TBC1D31: variants seen among roughly 807,000 people sequenced by gnomAD.
TBC1D31 encodes the protein WD repeat domain 67.
TBC1D31 carries 99 observed loss-of-function variants against 132.9 expected under a neutral mutation model. The ratio of observed to expected loss-of-function variants is 0.74; its 90% CI spans 0.63 to 0.88. TBC1D31 has a LOEUF of 0.88. Among genes scored for constraint, TBC1D31 ranks in the 40% least tolerant of loss-of-function variants. The pLI, the probability that TBC1D31 is intolerant of heterozygous loss-of-function variation, is 0.00. For synonymous variants in TBC1D31, 385 were observed against 419.4 expected, an observed-to-expected ratio of 0.92 and a Z score of 1.00; for missense variants, 1,134 against 1,256.6, an observed-to-expected ratio of 0.90 and a Z score of 1.48.
Position 123,093,588 on chromosome 8 carries a change from T to C in TBC1D31, c.520-3T>C. 6.3e-7 allele frequency: 1 copy of C among 1,596,092 alleles called. No individual in the cohort carries two copies. Among genetic ancestry groups the C allele is most frequent in the Non-Finnish European group, 8.6e-7 (1 of 1,168,392 alleles). Reference sequence around the variant, plus strand: ...AAAACTAACTTTCTCTATTCCTCCTTAGGTTTTCTTTCTACCATTAAGTAA... The same window carrying C: ...AAAACTAACTTTCTCTATTCCTCCTCAGGTTTTCTTTCTACCATTAAGTAA... On this transcript the variant is annotated splice_polypyrimidine_tract_variant and splice_region_variant and intron_variant, in intron 4 of 21. Transcript: ENST00000287380.
At chr8:123,101,600 A>T (rs183726700) in intron 7 of TBC1D31, among the ~76,000 whole-genome samples, 256 of 152,186 alleles carry the variant, frequency 1.7e-3, no homozygotes, top group Non-Finnish European at 3.0e-3. Flanking sequence ...TTTTTAGTAA[A>T]GATGGGGTTT....
intron 13 of TBC1D31, 115 bp from the exon 14 acceptor site, chr8:123,128,166 C>CA (rs1420912437): frequency 1.8e-5 from 9 of 503,932 alleles, no homozygotes; most frequent in South Asian, 4.0e-5. Context: ...AATGAATTTG[C>CA]AAAAAAATAT....
At chr8:123,163,364 C>CTTTTTT in the TBC1D31 span, among the ~76,000 whole-genome samples, 24 of 110,072 alleles carry the variant, frequency 2.2e-4, 1 homozygote, top group African/African-American at 3.7e-4. Context: ...TCACTTTAAC[C>CTTTTTT]TTTTTTTTTT....
intron 6 of TBC1D31, 70 bp downstream of exon 6, chr8:123,097,511 T>A (rs1486219892): frequency 1.4e-6 from 2 of 1,459,716 alleles, no homozygotes; most frequent in Non-Finnish European, 1.9e-6. Flanking sequence ...CTATATTAGC[T>A]CTTATTTATT....
At chr8:123,091,805 G>A (rs75649096) in intron 4 of TBC1D31, among the ~76,000 whole-genome samples, 2,596 of 152,220 alleles carry the variant, frequency 0.017, 85 homozygotes, top group African/African-American at 0.059. Context: ...AGGAAGCATT[G>A]TTTATGCTTA....
At chr8:123,094,157 C>T (rs1011083349) in intron 5 of TBC1D31, among the ~76,000 whole-genome samples, 2 of 151,978 alleles carry the variant, frequency 1.3e-5, no homozygotes, top group South Asian at 2.1e-4. Flanking sequence ...CTCTGTCTCC[C>T]GGGTTCACGC....
chr8:123,130,252 T>C lies in TBC1D31; in HGVS notation c.2325T>C (p.Ala775=), dbSNP rs1376930381. 6.2e-7 allele frequency: 1 copy of C among 1,613,248 alleles called. No individual in the cohort carries two copies. Among genetic ancestry groups the C allele is most frequent in the South Asian group, 1.1e-5 (1 of 90,830 alleles). The change falls in exon 16 of 22, where the codon GCT becomes GCC. Residue 775 remains alanine (A), a synonymous_variant. Transcript: ENST00000287380. ...TAAAGGAAATGCACTTACAAGATGCTGCAAGAAGGCGTTTTCTGAAGCTTC... is the reference window on the plus strand; with the variant it reads ...TAAAGGAAATGCACTTACAAGATGCCGCAAGAAGGCGTTTTCTGAAGCTTC... The part of the protein sequence containing the change: ...LKVKEMHLQD[A]ARRRFLKLQQ...
chr8:123,164,708 C>G, the TBC1D31 span, among the ~76,000 whole-genome samples: 1 of 133,374 alleles, frequency 7.5e-6, no homozygotes, highest in East Asian at 2.2e-4. Flanking sequence ...GGCAACAGAG[C>G]GAGACTCCAT....
intron 1 of TBC1D31, among the ~76,000 whole-genome samples, chr8:123,075,445 T>A (rs1424726268): frequency 2.0e-5 from 3 of 152,226 alleles, no homozygotes; most frequent in African/African-American, 7.2e-5. Context: ...GGCTCACGCC[T>A]GTAATTCCAG....
intron 11 of TBC1D31, among the ~76,000 whole-genome samples, chr8:123,124,536 A>G (rs759253090): frequency 2.6e-5 from 4 of 152,176 alleles, no homozygotes; most frequent in Admixed American, 2.0e-4. Context: ...TGTAAGGATC[A>G]GGCCTTTGGG....
At chr8:123,125,270 T>G (rs1819927047) in intron 11 of TBC1D31, among the ~76,000 whole-genome samples, 1 of 152,230 alleles carries the variant, frequency 6.6e-6, no homozygotes, top group Non-Finnish European at 1.5e-5. Flanking sequence ...TATACGGCTT[T>G]GAGAACAATC....
the TBC1D31 span, among the ~76,000 whole-genome samples, chr8:123,162,442 C>G: frequency 1.3e-5 from 2 of 152,066 alleles, no homozygotes; most frequent in Non-Finnish European, 2.9e-5. Context: ...AGACCCCCAG[C>G]ACACCCAGGC....
At position 123,084,418 on chromosome 8, in the gene TBC1D31, A is replaced by C. The variant is rs531160168; in HGVS notation, c.519+78A>C. The C allele has an allele frequency of 6.0e-5, 81 of 1,351,602 alleles. No individual in the cohort carries two copies. In the South Asian group the frequency reaches 1.1e-3, roughly 18 times the overall value. 83.7% of individuals were successfully genotyped at this position (1,351,602 alleles called of 1,614,324 possible). On this transcript the variant is annotated intron_variant, in intron 4 of 21. Coordinates refer to ENST00000287380, the MANE Select transcript of TBC1D31 (RefSeq NM_145647.4). ...GTCAACAGGATGTATAGATGATATA[A>C]GAGTAATGATTCACTTTGTCCTTGT...
intron 2 of TBC1D31, among the ~76,000 whole-genome samples, chr8:123,079,537 G>C (rs1296803932): frequency 6.6e-6 from 1 of 151,914 alleles, no homozygotes; most frequent in Admixed American, 6.6e-5. Flanking sequence ...TCTTAAATCA[G>C]TACCACTGTC....
chr8:123,136,130 C>G (rs1821069764), intron 17 of TBC1D31, among the ~76,000 whole-genome samples: 1 of 152,128 alleles, frequency 6.6e-6, no homozygotes, highest in Admixed American at 6.6e-5. Flanking sequence ...AACCACCGTA[C>G]AGTTCTCAAA....
At chr8:123,110,718 T>C (rs988959936) in intron 10 of TBC1D31, among the ~76,000 whole-genome samples, 13 of 137,348 alleles carry the variant, frequency 9.5e-5, no homozygotes, top group Admixed American at 8.6e-4. Context: ...AAGGACTCTT[T>C]TTCTTTAACA....
At chr8:123,157,152 T>C (rs376615025), downstream of TBC1D31, among the ~76,000 whole-genome samples, 1 of 146,552 alleles carries the variant, frequency 6.8e-6, no homozygotes, top group Admixed American at 6.6e-5. Context: ...CTTTTCCCCT[T>C]GTTGTCACCC....
At chr8:123,140,630 G>T in intron 17 of TBC1D31, 131 bp from the exon 18 acceptor site, 1 of 773,640 alleles carries the variant, frequency 1.3e-6, no homozygotes. Flanking sequence ...GTCTCCAGTC[G>T]TTGAATTTTA....
chr8:123,128,514 G>A lies in TBC1D31; in HGVS notation c.2117+1G>A, dbSNP rs1820305140. 1 of 1,559,812 alleles carries A rather than the reference G, an allele frequency of 6.4e-7. No homozygotes were observed. The highest frequency in any genetic ancestry group is 1.7e-5 in the Admixed American group (1 of 59,004). Reference sequence around the variant, plus strand: ...ATGAATTGGATTACTTAAGAGAGAGGTAATTATGGAATAGTTTTTCTTTTT... The same window carrying A: ...ATGAATTGGATTACTTAAGAGAGAGATAATTATGGAATAGTTTTTCTTTTT... On this transcript the variant is annotated splice_donor_variant, in intron 14 of 21. Coordinates refer to ENST00000287380, the MANE Select transcript of TBC1D31 (RefSeq NM_145647.4). LOFTEE classifies it high-confidence loss of function.
Sources: gnomAD v4.1 joint callset for allele counts (sites outside exome capture counted in the v4.1 genomes callset) on GRCh38, gnomAD v4.1.1 for gene constraint, MANE v1.5 for transcripts, NCBI Gene and HGNC (gene_info 2026-07-23, HGNC 2026-07-21) for gene names.